Variants in GAS2L2 observed in about 807,000 individuals in gnomAD.
GAS2L2 encodes GAS2-like protein 2.
Under a neutral mutation model 35.2 loss-of-function variants are expected in GAS2L2, and 21 were observed. The observed-to-expected ratio is 0.60, with a 90% confidence interval of 0.42 to 0.86. The LOEUF is 0.86. GAS2L2 is among the 40% of genes least tolerant of loss of function. The pLI is 0.00. For synonymous variants in GAS2L2, 490 were observed against 473.2 expected (o/e 1.04, Z -0.46); for missense variants, 1,169 against 1,144.4 (o/e 1.02, Z -0.31).
At chr17:35,749,367 G>T (rs1456494517) in intron 2 of GAS2L2, 150 bp from the exon 3 acceptor site, 4 of 606,300 alleles carry the variant, frequency 6.6e-6, no homozygotes, top group African/African-American at 1.9e-5. Context: ...GGCTGTAAAT[G>T]ACCCAGCGAG....
Position 35,744,892 on chromosome 17 carries a change from G to A in GAS2L2, c.2605C>T (p.Gln869Ter). 6.2e-7 allele frequency: 1 copy of A among 1,606,830 alleles called. No individual in the cohort carries two copies. Among genetic ancestry groups the A allele is most frequent in the East Asian group, 2.2e-5 (1 of 44,598 alleles). Reference protein sequence around the residue: ...PEGLQPHWLNQAPLPPEEESW... With the variant: ...PEGLQPHWLN Reference sequence around the variant, plus strand: ...TCCTCCTCAGGTGGAAGTGGAGCTTGATTAAGCCAGTGAGGTTGCAGGCCC... The same window carrying A: ...TCCTCCTCAGGTGGAAGTGGAGCTTAATTAAGCCAGTGAGGTTGCAGGCCC... The change falls in exon 6 of 6, where the codon CAA becomes TAA. Residue 869 changes from glutamine to a stop codon, truncating the protein, a stop_gained. Transcript: ENST00000604641. LOFTEE classifies it high-confidence loss of function.
chr17:35,748,658 G>A (rs2085684317), intron 3 of GAS2L2, among the ~76,000 whole-genome samples: 1 of 152,248 alleles, frequency 6.6e-6, no homozygotes, highest in Non-Finnish European at 1.5e-5. Context: ...TGGGGTCCAT[G>A]TGGCTGGGGC....
At chr17:35,748,842 T>G (rs1034382146) in intron 3 of GAS2L2, among the ~76,000 whole-genome samples, 5 of 152,072 alleles carry the variant, frequency 3.3e-5, no homozygotes, top group Non-Finnish European at 7.4e-5. Flanking sequence ...GCTGCCCTGA[T>G]GGGAGGAGGA....
chr17:35,745,515 C>T lies in GAS2L2; in HGVS notation c.1982G>A (p.Gly661Glu). The T allele has an allele frequency of 6.2e-7, 1 of 1,610,910 alleles. No individual in the cohort carries two copies. Among genetic ancestry groups the T allele is most frequent in the Non-Finnish European group, 8.5e-7 (1 of 1,177,910 alleles). Residue 661 changes from glycine to glutamate, a missense_variant, in exon 6 of 6, where the codon GGG (glycine) becomes GAG (glutamate). Coordinates refer to ENST00000604641, the MANE Select transcript of GAS2L2 (RefSeq NM_139285.4). ...YDKAIQELAQGSPSLLKVDLE... is the reference protein window; with the variant it reads ...YDKAIQELAQESPSLLKVDLE... ...GTCCACTTTAAGGAGGGATGGGGAC[C>T]CCTGAGCCAGTTCTTGGATGGCTTT...
At position 35,745,280 on chromosome 17, in the gene GAS2L2, G is replaced by A. The variant is rs369184606; in HGVS notation, c.2217C>T (p.Pro739=). Reference sequence around the variant, plus strand: ...AGTTGGGGTCCAAGGGCGAAGGTGTGGGGGCCTCCGGGCTGGCAGACACAG... The same window carrying A: ...AGTTGGGGTCCAAGGGCGAAGGTGTAGGGGCCTCCGGGCTGGCAGACACAG... ...ASTVSASPEA[P]TPSPLDPNSD... Residue 739 remains proline, a synonymous_variant, in exon 6 of 6, where the codon CCC becomes CCT. Coordinates refer to ENST00000604641, the MANE Select transcript of GAS2L2 (RefSeq NM_139285.4). The A allele has an allele frequency of 2.2e-5, 35 of 1,611,462 alleles. No homozygotes were observed. The highest frequency in any genetic ancestry group is 2.5e-5 in the Non-Finnish European group (30 of 1,178,530).
Position 35,747,910 on chromosome 17 carries a change from GC to G in GAS2L2, c.770del (p.Gly257AlafsTer29), listed in dbSNP as rs782650477. The G allele has an allele frequency of 1.0e-4, 167 of 1,613,688 alleles. No homozygotes were observed. Among genetic ancestry groups the G allele is most frequent in the Non-Finnish European group, 1.4e-4 (165 of 1,179,876 alleles). On this transcript the variant is annotated frameshift_variant, in exon 4 of 6. Transcript: ENST00000604641. LOFTEE classifies it high-confidence loss of function. Reference protein sequence around the residue: ...LRNHVMVRVGGGWDTLGHYLD... With the variant: ...LRNHVMVRVGXGWDTLGHYLD... The stretch of plus-strand genomic sequence containing the variant: ...GGTAATGGCCCAGTGTGTCCCAGCC[GC>G]CCCCTACACGTACCATCACATGGTT...
Position 35,744,709 on chromosome 17 carries a change from G to A in GAS2L2, c.*145C>T, listed in dbSNP as rs2085651681. The A allele has an allele frequency of 1.5e-6, 1 of 658,696 alleles. No homozygotes were observed. Among genetic ancestry groups the A allele is most frequent in the South Asian group, 2.0e-5 (1 of 51,112 alleles). The allele number at this position is 658,696 out of a possible 1,614,324, so 40.8% of individuals were successfully genotyped here. ...TGCCCCTTTGCTCAGATGAGCAGATGGAGTCTATATTTGTCTTCTGACCCA... is the reference window on the plus strand; with the variant it reads ...TGCCCCTTTGCTCAGATGAGCAGATAGAGTCTATATTTGTCTTCTGACCCA... On this transcript the variant is annotated 3_prime_UTR_variant, in exon 6 of 6. Coordinates refer to ENST00000604641, the MANE Select transcript of GAS2L2 (RefSeq NM_139285.4).
At position 35,752,661 on chromosome 17, in the gene GAS2L2, C is replaced by G; in HGVS notation, c.190G>C (p.Val64Leu). The stretch of plus-strand genomic sequence containing the variant: ...ACAACGTTGGCGTGTTGGCACAGCA[C>G]CAGGCCCGTTTCCAGCACCTGCAGG... ...NFLQVLETGL[V>L]LCQHANVVTD... Residue 64 changes from valine to leucine, a missense_variant, in exon 1 of 6, where the codon GTG becomes CTG. Val to Leu is a conservative substitution (Grantham distance 32, BLOSUM62 1). Around this residue, in one of 3 missense-constraint regions of GAS2L2, gnomAD observed 127 missense variants for 146.1 expected, o/e 0.87. Transcript: ENST00000604641. 1 of 1,614,090 alleles carries G rather than the reference C, an allele frequency of 6.2e-7. No homozygotes were observed. Among genetic ancestry groups the G allele is most frequent in the Non-Finnish European group, 8.5e-7 (1 of 1,179,986 alleles).
chr17:35,750,048 G>A (rs1367700427), intron 2 of GAS2L2, 29 bp downstream of exon 2: 4 of 1,596,126 alleles, frequency 2.5e-6, no homozygotes, highest in Admixed American at 1.8e-5. Flanking sequence ...AGGGAAGGGG[G>A]CCCTGAGGGC....
chr17:35,745,321 C>CTCGGCTT lies in GAS2L2; in HGVS notation c.2175_2176insAAGCCGA (p.Asp726LysfsTer26). 6.2e-7 allele frequency: 1 copy of CTCGGCTT among 1,610,972 alleles called. No homozygotes were observed. The highest frequency in any genetic ancestry group is 1.1e-5 in the South Asian group (1 of 90,706). On this transcript the variant is annotated frameshift_variant, in exon 6 of 6. Coordinates refer to ENST00000604641, the MANE Select transcript of GAS2L2 (RefSeq NM_139285.4). LOFTEE classifies it low-confidence loss of function (END_TRUNC). ...GCAGACACAGTAGAAGCCGAGCAGT[C>CTCGGCTT]CTGCCCTCCCTGAGGTGGGACCTTC...
chr17:35,749,996 TG>T, intron 2 of GAS2L2, 80 bp downstream of exon 2: 3 of 1,303,288 alleles, frequency 2.3e-6, no homozygotes, highest in Non-Finnish European at 2.0e-6. Flanking sequence ...GGTGGGTTAG[TG>T]GGGGCTGGAG....
rs917428094 is a variant in GAS2L2 at position 35,750,128 on chromosome 17, C to T, written c.576G>A (p.Pro192=). The T allele has an allele frequency of 6.3e-7, 1 of 1,598,270 alleles. No individual in the cohort carries two copies. The highest frequency in any genetic ancestry group is 8.5e-7 in the Non-Finnish European group (1 of 1,175,402). ...ELALPPPDPS[P]PAPPRRQPCH... is the part of the protein sequence containing the mutation. Reference sequence around the variant, plus strand: ...AGGGCTGGCGCCTGGGGGGCGCTGGCGGCGAGGGGTCGGGCGGGGGCAGGG... The same window carrying T: ...AGGGCTGGCGCCTGGGGGGCGCTGGTGGCGAGGGGTCGGGCGGGGGCAGGG... The change falls in exon 2 of 6, where the codon CCG becomes CCA. Residue 192 remains proline (P), a synonymous_variant. Coordinates refer to ENST00000604641, the MANE Select transcript of GAS2L2 (RefSeq NM_139285.4).
intron 5 of GAS2L2, 73 bp from the exon 6 acceptor site, chr17:35,746,484 C>T (rs2085669568): frequency 1.9e-6 from 2 of 1,042,738 alleles, no homozygotes; most frequent in South Asian, 7.5e-5. Flanking sequence ...TGGTCCCTGG[C>T]TTTGGGAAGT....
Position 35,753,047 on chromosome 17 carries a change from A to C in GAS2L2, c.-197T>G, listed in dbSNP as rs899043177. On this transcript the variant is annotated 5_prime_UTR_variant, in exon 1 of 6. Transcript: ENST00000604641. ...GGCCTGGCCCAGCCCCTGCCCCCCCACATTCCTCAGTCCTTGCCAGAGCTT... is the reference window on the plus strand; with the variant it reads ...GGCCTGGCCCAGCCCCTGCCCCCCCCCATTCCTCAGTCCTTGCCAGAGCTT... Among the ~76,000 whole-genome samples, 1 of 151,774 alleles carries C rather than the reference A, an allele frequency of 6.6e-6. No individual in the cohort carries two copies. Among genetic ancestry groups the C allele is most frequent in the Non-Finnish European group, 1.5e-5 (1 of 67,906 alleles).
chr17:35,752,865 A>C lies in GAS2L2; in HGVS notation c.-15T>G. 6.4e-7 allele frequency: 1 copy of C among 1,573,248 alleles called. No homozygotes were observed. The highest frequency in any genetic ancestry group is 1.3e-5 in the African/African-American group (1 of 74,278). ...GGCTGGGACATGGCTGGACCCCAGC[A>C]GGGCAGGAGGTGGGCACCTCCCCTC... is the stretch of plus-strand genomic sequence containing the variant. On this transcript the variant is annotated 5_prime_UTR_variant, in exon 1 of 6. Coordinates refer to ENST00000604641, the MANE Select transcript of GAS2L2 (RefSeq NM_139285.4).
chr17:35,748,996 T>A, intron 3 of GAS2L2, 114 bp downstream of exon 3: 1 of 651,772 alleles, frequency 1.5e-6, no homozygotes, highest in Admixed American at 2.7e-5. Context: ...CTGGGAGGTG[T>A]CATTGTTCCA....
At chr17:35,747,292 G>A (rs781906212) in intron 4 of GAS2L2, 24 bp from the exon 5 acceptor site, 2 of 1,590,162 alleles carry the variant, frequency 1.3e-6, no homozygotes. Context: ...CCCGGAGAAA[G>A]GAGAGGAGAG....
At position 35,746,994 on chromosome 17, in the gene GAS2L2, C is replaced by A. The variant is rs200508307; in HGVS notation, c.1085+22G>T. The A allele has an allele frequency of 6.5e-5, 99 of 1,520,206 alleles. No homozygotes were observed. The East Asian group carries it at 2.1e-3, about 32-fold the overall frequency. 94.2% of individuals were successfully genotyped at this position (1,520,206 alleles called of 1,614,324 possible). A position where few individuals can be genotyped will look rare whatever the true frequency, so the allele number is the denominator to read the frequency against. ...GTGCACTCCAAAGGAAAAAGAGCCC[C>A]ATCCCTGTCTCTTCCCCATACCTCA... On this transcript the variant is annotated intron_variant, in intron 5 of 5. Coordinates refer to ENST00000604641, the MANE Select transcript of GAS2L2 (RefSeq NM_139285.4).
At chr17:35,747,347 T>C in intron 4 of GAS2L2, 79 bp from the exon 5 acceptor site, 3 of 1,464,152 alleles carry the variant, frequency 2.0e-6, no homozygotes, top group South Asian at 2.7e-5. Flanking sequence ...CCTCCCCCAG[T>C]GGTCCCATGC....
Sources: gnomAD v4.1 joint callset for allele counts (sites outside exome capture counted in the v4.1 genomes callset) on GRCh38, gnomAD v4.1.1 for gene constraint, gnomAD v4.1.1 regional missense constraint, MANE v1.5 for transcripts, NCBI Gene and HGNC (gene_info 2026-07-23, HGNC 2026-07-21) for gene names.